TBC1D22A: variants seen among roughly 807,000 people sequenced by gnomAD.
The protein encoded by TBC1D22A is putative GTPase activator.
TBC1D22A carries 38 observed loss-of-function variants against 60.2 expected under a neutral mutation model. That is an observed-to-expected ratio of 0.63 (90% CI 0.49 to 0.83). TBC1D22A has a LOEUF of 0.83. Ranked by LOEUF, TBC1D22A falls within the 40% of genes least tolerant of loss-of-function variation. The pLI, the probability that TBC1D22A is intolerant of heterozygous loss-of-function variation, is 0.00. For synonymous variants in TBC1D22A, 302 were observed against 281.7 expected (o/e 1.07, Z -0.72); for missense variants, 628 against 701.0 (o/e 0.90, Z 1.18).
intron 12 of TBC1D22A, among the ~76,000 whole-genome samples, chr22:47,138,563 G>T (rs1291720810): frequency 6.6e-6 from 1 of 152,244 alleles, no homozygotes; most frequent in Non-Finnish European, 1.5e-5. Context: ...TGAGCTGTAG[G>T]AGGCAGGTTT....
intron 10 of TBC1D22A, among the ~76,000 whole-genome samples, chr22:47,024,956 A>T (rs1212806361): frequency 6.6e-6 from 1 of 152,216 alleles, no homozygotes; most frequent in Non-Finnish European, 1.5e-5. Flanking sequence ...ATCTAAAGAA[A>T]ACGGTAATGT....
intron 11 of TBC1D22A, among the ~76,000 whole-genome samples, chr22:47,085,732 T>A (rs2064655014): frequency 6.6e-6 from 1 of 152,142 alleles, no homozygotes; most frequent in Non-Finnish European, 1.5e-5. Flanking sequence ...ATAGAGAACT[T>A]TAATTCTTTC....
intron 11 of TBC1D22A, among the ~76,000 whole-genome samples, chr22:47,065,636 G>T (rs913400743): frequency 6.6e-6 from 1 of 152,300 alleles, no homozygotes; most frequent in Non-Finnish European, 1.5e-5. Context: ...AGGCCTCGGA[G>T]TTGGGACTGG....
intron 12 of TBC1D22A, among the ~76,000 whole-genome samples, chr22:47,168,667 G>A (rs1601749443): frequency 6.6e-6 from 1 of 152,172 alleles, no homozygotes; most frequent in East Asian, 1.9e-4. Flanking sequence ...AGGAACCCAG[G>A]GTCTGCAGTC....
At chr22:46,899,298 T>G (rs1453198820) in intron 7 of TBC1D22A, among the ~76,000 whole-genome samples, 1 of 151,938 alleles carries the variant, frequency 6.6e-6, no homozygotes, top group African/African-American at 2.4e-5. Flanking sequence ...AATAAAAATA[T>G]TAGCCAGGCG....
intron 12 of TBC1D22A, among the ~76,000 whole-genome samples, chr22:47,112,069 T>G (rs1260630091): frequency 6.6e-6 from 1 of 152,220 alleles, no homozygotes; most frequent in Non-Finnish European, 1.5e-5. Context: ...ACTAAGCTAG[T>G]CCCTGGCGAC....
At chr22:46,973,602 CATTT>C (rs766014361) in intron 8 of TBC1D22A, among the ~76,000 whole-genome samples, 4 of 152,090 alleles carry the variant, frequency 2.6e-5, no homozygotes, top group Non-Finnish European at 4.4e-5. Context: ...ATTTTTAAAA[CATTT>C]ATGAGTATTT....
chr22:46,955,646 A>T (rs776346241), intron 8 of TBC1D22A, among the ~76,000 whole-genome samples: 6 of 152,234 alleles, frequency 3.9e-5, no homozygotes, highest in Non-Finnish European at 8.8e-5. Context: ...AGCTGAAAAA[A>T]CCGTCTAACT....
intron 8 of TBC1D22A, among the ~76,000 whole-genome samples, chr22:46,941,360 A>ACAGAATATATATG (rs1449915623): frequency 6.7e-6 from 1 of 149,078 alleles, no homozygotes; most frequent in East Asian, 1.9e-4. Flanking sequence ...GAATATATAT[A>ACAGAATATATATG]CAGAATATAT....
At chr22:47,022,882 A>G (rs1380604595) in intron 10 of TBC1D22A, among the ~76,000 whole-genome samples, 3 of 152,220 alleles carry the variant, frequency 2.0e-5, no homozygotes, top group South Asian at 2.1e-4. Flanking sequence ...TCTGTTCCCA[A>G]ATGACTTAAT....
At chr22:46,801,890 G>A (rs765150179) in intron 4 of TBC1D22A, among the ~76,000 whole-genome samples, 1 of 152,214 alleles carries the variant, frequency 6.6e-6, no homozygotes, top group Non-Finnish European at 1.5e-5. Context: ...GGTTGGGAGG[G>A]CATGAACAGA....
intron 1 of TBC1D22A, among the ~76,000 whole-genome samples, chr22:46,768,353 CAG>C (rs1392754846): frequency 2.1e-4 from 32 of 151,976 alleles, no homozygotes; most frequent in South Asian, 1.7e-3. Context: ...GGCGTGGTGG[CAG>C]GCGCCTGTAA....
At chr22:46,952,571 G>A (rs1029759813) in intron 8 of TBC1D22A, among the ~76,000 whole-genome samples, 2 of 152,310 alleles carry the variant, frequency 1.3e-5, no homozygotes, top group African/African-American at 2.4e-5. Flanking sequence ...GCTCTGAAAT[G>A]TCAGCTTTCT....
At chr22:47,159,728 C>T (rs1196354130) in intron 12 of TBC1D22A, among the ~76,000 whole-genome samples, 2 of 151,572 alleles carry the variant, frequency 1.3e-5, no homozygotes, top group Non-Finnish European at 2.9e-5. Flanking sequence ...TACACAAACA[C>T]TGCACACCAT....
At chr22:47,134,428 G>C (rs4823467) in intron 12 of TBC1D22A, among the ~76,000 whole-genome samples, 49,516 of 152,204 alleles carry the variant, frequency 0.33, 8,377 homozygotes, top group East Asian at 0.61. Context: ...TGCTGGAGCA[G>C]CACTGGTTGG....
chr22:47,009,970 T>C lies in TBC1D22A; in HGVS notation c.1201+12261T>C, dbSNP rs1242237047. 6.6e-6 allele frequency among the ~76,000 whole-genome samples: 1 copy of C among 152,226 alleles called. No homozygotes were observed. Among genetic ancestry groups the C allele is most frequent in the Non-Finnish European group, 1.5e-5 (1 of 68,044 alleles). ...GGGGCACCGAGGTGACAGTGGCCAT[T>C]GTTATTAGTCATATCTTACACTTTC... is the stretch of plus-strand genomic sequence containing the variant. On this transcript the variant is annotated intron_variant, in intron 10 of 12. Transcript: ENST00000337137. This position sits in a 1 kb window ranked among gnomAD's most constrained non-coding sequence, Gnocchi z 5.8.
At chr22:47,071,186 A>AT (rs2063972066) in intron 11 of TBC1D22A, among the ~76,000 whole-genome samples, 1 of 152,218 alleles carries the variant, frequency 6.6e-6, no homozygotes, top group Non-Finnish European at 1.5e-5. Flanking sequence ...AACCACAGTA[A>AT]TTTCCACGTA....
chr22:47,051,520 G>C (rs2063216010), intron 11 of TBC1D22A, among the ~76,000 whole-genome samples: 1 of 152,284 alleles, frequency 6.6e-6, no homozygotes, highest in Non-Finnish European at 1.5e-5. Context: ...CCGGGAGCTA[G>C]AACATTCTTT....
At chr22:46,819,458 A>T (rs2085737322) in intron 4 of TBC1D22A, among the ~76,000 whole-genome samples, 1 of 152,164 alleles carries the variant, frequency 6.6e-6, no homozygotes, top group African/African-American at 2.4e-5. Flanking sequence ...GTGATGTTGA[A>T]TTTTATCAAA....
Sources: allele counts gnomAD v4.1 joint callset (sites outside exome capture counted in the v4.1 genomes callset), GRCh38; gene constraint gnomAD v4.1.1; non-coding constraint Gnocchi (gnomAD v3.1); transcripts MANE v1.5; gene names NCBI Gene and HGNC (gene_info 2026-07-23, HGNC 2026-07-21).